STARD13: variants seen among roughly 807,000 people sequenced by gnomAD.
STARD13 encodes the protein StAR related lipid transfer domain containing 13, also known as stAR-related lipid transfer protein 13.
A neutral mutation model predicts 106.4 loss-of-function variants in STARD13; 62 were observed. The observed-to-expected ratio is 0.58, with a 90% CI of 0.48 to 0.72. STARD13 has a LOEUF of 0.72. Among genes scored for constraint, STARD13 ranks in the 30% least tolerant of loss-of-function variants. STARD13 has a pLI of 0.00. For synonymous variants in STARD13, 565 were observed against 553.0 expected (o/e 1.02, Z -0.31); for missense variants, 1,387 against 1,424.0 (o/e 0.97, Z 0.42).
At chr13:33,666,240 G>A in the STARD13 span, among the ~76,000 whole-genome samples, 6 of 152,124 alleles carry the variant, frequency 3.9e-5, no homozygotes, top group African/African-American at 1.4e-4. Context: ...CTAATACATT[G>A]ATTAGAACTT....
chr13:33,186,177 A>G (rs1393114869), intron 1 of STARD13: 1 of 841,436 alleles, frequency 1.2e-6, no homozygotes, highest in African/African-American at 1.7e-5. Flanking sequence ...CATTGTTTTC[A>G]TTCCCATTAA....
chr13:33,604,773 C>T, the STARD13 span, among the ~76,000 whole-genome samples: 21 of 149,296 alleles, frequency 1.4e-4, no homozygotes, highest in South Asian at 6.4e-4. Context: ...CACTCCAGCC[C>T]GAGGGACAGA....
intron 1 of STARD13, among the ~76,000 whole-genome samples, chr13:33,180,169 T>A (rs1431340966): frequency 6.6e-6 from 1 of 152,058 alleles, no homozygotes; most frequent in African/African-American, 2.4e-5. Context: ...GTAATGAGAG[T>A]CATAAATGAG....
At chr13:33,253,451 G>T (rs1404174197) in intron 1 of STARD13, among the ~76,000 whole-genome samples, 1 of 152,174 alleles carries the variant, frequency 6.6e-6, no homozygotes, top group East Asian at 1.9e-4. Flanking sequence ...TTACCCCAAA[G>T]AACACAATTA....
At chr13:33,326,035 A>G (rs536773654) in intron 1 of STARD13, among the ~76,000 whole-genome samples, 1 of 151,572 alleles carries the variant, frequency 6.6e-6, no homozygotes, top group South Asian at 2.1e-4. Flanking sequence ...GAAAGAATAT[A>G]TAATTCATCA....
chr13:33,123,634 T>A (rs535246006), intron 7 of STARD13, among the ~76,000 whole-genome samples: 6 of 152,220 alleles, frequency 3.9e-5, no homozygotes, highest in African/African-American at 1.4e-4. Context: ...TGGTTCATAA[T>A]TGAAGGCTAA....
At chr13:33,637,608 C>G in the STARD13 span, among the ~76,000 whole-genome samples, 51 of 152,330 alleles carry the variant, frequency 3.3e-4, no homozygotes, top group East Asian at 9.4e-3. Flanking sequence ...ATCTGTGTTG[C>G]AGACCAACAT....
intron 1 of STARD13, among the ~76,000 whole-genome samples, chr13:33,216,036 T>C (rs1188946110): frequency 6.6e-6 from 1 of 152,022 alleles, no homozygotes; most frequent in East Asian, 1.9e-4. Flanking sequence ...CTTGCAAGAA[T>C]GGCCATAATA....
At chr13:33,171,913 A>C (rs1312892102) in intron 1 of STARD13, among the ~76,000 whole-genome samples, 1 of 152,210 alleles carries the variant, frequency 6.6e-6, no homozygotes, top group Admixed American at 6.5e-5. Flanking sequence ...GACCCAGCAG[A>C]GGGAAGCTCT....
the STARD13 span, among the ~76,000 whole-genome samples, chr13:33,508,322 G>A: frequency 1.3e-5 from 2 of 152,186 alleles, no homozygotes; most frequent in East Asian, 1.9e-4. Flanking sequence ...TGCTAACCCT[G>A]CGGATGCAGC....
chr13:33,443,872 G>C, the STARD13 span, among the ~76,000 whole-genome samples: 2 of 131,236 alleles, frequency 1.5e-5, no homozygotes, highest in African/African-American at 5.9e-5. Context: ...CTGGGCAACA[G>C]AGCGAGACTC....
intron 1 of STARD13, among the ~76,000 whole-genome samples, chr13:33,303,090 C>T (rs935829639): frequency 6.6e-6 from 1 of 152,140 alleles, no homozygotes; most frequent in Non-Finnish European, 1.5e-5. Flanking sequence ...ACTCATTTTT[C>T]AAGACCTGAC....
At chr13:33,498,964 C>G in the STARD13 span, among the ~76,000 whole-genome samples, 2 of 152,092 alleles carry the variant, frequency 1.3e-5, no homozygotes, top group African/African-American at 2.4e-5. Flanking sequence ...ATGGTGAAAC[C>G]CCGTCTCTAC....
chr13:33,346,039 T>C (rs1242204426), downstream of STARD13, among the ~76,000 whole-genome samples: 1 of 152,250 alleles, frequency 6.6e-6, no homozygotes, highest in African/African-American at 2.4e-5. Context: ...GATATGTCAC[T>C]TCTGAGATCA....
the STARD13 span, among the ~76,000 whole-genome samples, chr13:33,395,730 T>A: frequency 6.6e-6 from 1 of 152,246 alleles, no homozygotes; most frequent in Non-Finnish European, 1.5e-5. Context: ...TTAACAACTT[T>A]CTTAACTATT....
intron 1 of STARD13, among the ~76,000 whole-genome samples, chr13:33,263,429 A>G (rs2138332878): frequency 1.3e-5 from 2 of 152,360 alleles, no homozygotes; most frequent in East Asian, 3.9e-4. Flanking sequence ...AGCAAAGTAA[A>G]CAGCTACAAA....
intron 1 of STARD13, among the ~76,000 whole-genome samples, chr13:33,326,557 T>C (rs190272351): frequency 6.6e-6 from 1 of 152,286 alleles, no homozygotes; most frequent in East Asian, 1.9e-4. Flanking sequence ...TAATGGTGTT[T>C]TCGAAGTGGG....
the STARD13 span, among the ~76,000 whole-genome samples, chr13:33,600,089 G>A: frequency 0.011 from 1,697 of 152,228 alleles, 36 homozygotes; most frequent in African/African-American, 0.039. Flanking sequence ...TCAATATCAC[G>A]TATGTAGTTT....
At chr13:33,475,817 C>T in the STARD13 span, among the ~76,000 whole-genome samples, 47 of 151,962 alleles carry the variant, frequency 3.1e-4, no homozygotes, top group East Asian at 3.9e-3. Context: ...GTTAGCTGGG[C>T]GTGGTGGCAT....
Sources: gnomAD v4.1 joint callset for allele counts (sites outside exome capture counted in the v4.1 genomes callset) on GRCh38, gnomAD v4.1.1 for gene constraint, MANE v1.5 for transcripts, NCBI Gene and HGNC (gene_info 2026-07-23, HGNC 2026-07-21) for gene names.